The following ANO1 variants were observed in gnomAD, a reference collection of about 807,000 sequenced individuals.
The protein encoded by ANO1 is anoctamin-1.
ANO1 carries 59 observed loss-of-function variants against 124.0 expected under a neutral mutation model. The observed-to-expected ratio is 0.48, with a 90% CI of 0.39 to 0.59. The LOEUF is 0.59. ANO1 is among the 20% of genes least tolerant of loss of function. ANO1 has a pLI of 0.00. For synonymous variants in ANO1, 529 were observed against 532.0 expected (o/e 0.99, Z 0.08); for missense variants, 1,059 against 1,328.0 (o/e 0.80, Z 3.15).
intron 1 of ANO1, among the ~76,000 whole-genome samples, chr11:70,061,293 T>A (rs1394881225): frequency 5.3e-5 from 8 of 151,952 alleles, no homozygotes; most frequent in African/African-American, 1.9e-4. Context: ...AAATATTGAA[T>A]AAGGTGGGAG....
intron 10 of ANO1, among the ~76,000 whole-genome samples, chr11:70,131,332 TGC>T (rs1555034669): frequency 2.0e-5 from 3 of 148,314 alleles, no homozygotes; most frequent in African/African-American, 7.5e-5. Context: ...TGTGTGTGTG[TGC>T]GCGTCTGTGT....
rs752639044 is a variant in ANO1, at chr11:70,161,602, C to A, written c.1781-20C>A. On this transcript the variant is annotated intron_variant, in intron 17 of 25. Transcript: ENST00000355303. ...GCCATCCCAGCCACAGCCTCAGTAT[C>A]ATCCTACCCCTCCCTCTAGAGGTCC... 1 of 1,611,574 alleles carries A rather than the reference C, an allele frequency of 6.2e-7. No individual in the cohort carries two copies. Among genetic ancestry groups the A allele is most frequent in the Non-Finnish European group, 8.5e-7 (1 of 1,177,680 alleles).
At chr11:70,158,570 A>G (rs1438257122) in intron 16 of ANO1, among the ~76,000 whole-genome samples, 1 of 152,248 alleles carries the variant, frequency 6.6e-6, no homozygotes, top group East Asian at 1.9e-4. Flanking sequence ...ATATGCCTGC[A>G]GAAGCTGGTG....
At chr11:70,013,635 AC>A (rs1342027452) in intron 1 of ANO1, among the ~76,000 whole-genome samples, 1 of 151,700 alleles carries the variant, frequency 6.6e-6, no homozygotes, top group Non-Finnish European at 1.5e-5. Context: ...ACAAAACAAA[AC>A]AAAACAAAAC....
intron 1 of ANO1, among the ~76,000 whole-genome samples, chr11:70,053,805 TG>T (rs1290535880): frequency 2.0e-5 from 3 of 152,218 alleles, no homozygotes; most frequent in Admixed American, 1.3e-4. Flanking sequence ...TGGAGCTCTA[TG>T]TGCCTAGAGT....
At chr11:70,082,224 A>G (rs1183675700) in intron 1 of ANO1, among the ~76,000 whole-genome samples, 1 of 152,124 alleles carries the variant, frequency 6.6e-6, no homozygotes, top group Non-Finnish European at 1.5e-5. Flanking sequence ...GCATTCATTC[A>G]TTCATTCAGC....
intron 1 of ANO1, among the ~76,000 whole-genome samples, chr11:69,991,453 G>A (rs1856152983): frequency 6.6e-6 from 1 of 152,184 alleles, no homozygotes; most frequent in African/African-American, 2.4e-5. Context: ...CTAGAGAGGA[G>A]CCTGCCCCCC....
intron 1 of ANO1, among the ~76,000 whole-genome samples, chr11:70,066,383 C>A: frequency 6.6e-6 from 1 of 152,102 alleles, no homozygotes; most frequent in East Asian, 1.9e-4. Context: ...CTTATTGGGA[C>A]TGAGTTGGAA....
rs377234676 is a variant in ANO1, at chr11:70,070,207, A to G, written c.59-8335A>G. ...GGTCTCTGTGGCTCACGTCATTTTC[A>G]GCATGAAAATGAGCGATCAAATTAT... On this transcript the variant is annotated intron_variant, in intron 1 of 27. Coordinates refer to the ANO1 transcript ENST00000531349. Among the ~76,000 whole-genome samples the G allele has an allele frequency of 3.1e-4, 47 of 152,258 alleles. 1 individual carries two copies. The East Asian group carries it at 6.2e-3, about 20-fold the overall frequency.
At chr11:70,160,510 G>T (rs2048001375) in intron 16 of ANO1, among the ~76,000 whole-genome samples, 1 of 152,244 alleles carries the variant, frequency 6.6e-6, no homozygotes, top group Non-Finnish European at 1.5e-5. Context: ...TGTTTGGCAA[G>T]AGGAGGGGCT....
chr11:70,161,249 T>C lies in ANO1; in HGVS notation c.1667T>C (p.Val556Ala). Residue 556 changes from valine to alanine, a missense_variant, in exon 17 of 26, where the codon GTG becomes GCG. This residue lies in a region of ANO1 where 809 missense variants were observed against 1,094.9 expected (regional missense o/e 0.74). Coordinates refer to ENST00000355303, the MANE Select transcript of ANO1 (RefSeq NM_018043.7). ...TTGGCCATGAACTCCTCCCCCTCCG[T>C]GCGGTCCAACATCCGGGTCACAGTC... is the stretch of plus-strand genomic sequence containing the variant. ...AALAMNSSPS[V>A]RSNIRVTVTA... 6.2e-7 allele frequency: 1 copy of C among 1,613,914 alleles called. No individual in the cohort carries two copies.
intron 1 of ANO1, among the ~76,000 whole-genome samples, chr11:70,037,907 C>T (rs1857120776): frequency 6.6e-6 from 1 of 152,160 alleles, no homozygotes; most frequent in Non-Finnish European, 1.5e-5. Flanking sequence ...TATTCCATGG[C>T]AGGGTCTTGA....
intron 2 of ANO1, among the ~76,000 whole-genome samples, chr11:70,101,642 T>G (rs1002383198): frequency 4.0e-5 from 6 of 150,992 alleles, no homozygotes; most frequent in African/African-American, 1.5e-4. Flanking sequence ...CATTGCTTTT[T>G]GTCAACAAGC....
chr11:70,024,796 C>T (rs782051095), intron 1 of ANO1, among the ~76,000 whole-genome samples: 5 of 151,922 alleles, frequency 3.3e-5, no homozygotes, highest in African/African-American at 4.8e-5. Context: ...TCCCACCGCC[C>T]GAGCTGCCTC....
chr11:69,971,993 G>T, the ANO1 span, among the ~76,000 whole-genome samples: 4 of 151,982 alleles, frequency 2.6e-5, no homozygotes, highest in Non-Finnish European at 4.4e-5. Flanking sequence ...GGCCCAGGCG[G>T]GTGGATCCCT....
At chr11:70,051,550 AGGTTTTGTTTTGGGGTCT>A (rs1482898785) in intron 1 of ANO1, among the ~76,000 whole-genome samples, 2 of 152,190 alleles carry the variant, frequency 1.3e-5, no homozygotes, top group Admixed American at 6.5e-5. Context: ...TGACATTGTC[AGGTTTTGTTTTGGGGTCT>A]GGTTTTGTTT....
At chr11:70,044,855 A>C (rs1341472236) in intron 1 of ANO1, among the ~76,000 whole-genome samples, 1 of 152,216 alleles carries the variant, frequency 6.6e-6, no homozygotes, top group Non-Finnish European at 1.5e-5. Context: ...ACTTGATCTT[A>C]GATTGAATCC....
intron 1 of ANO1, among the ~76,000 whole-genome samples, chr11:70,069,122 T>C (rs1857804989): frequency 1.3e-5 from 2 of 152,206 alleles, no homozygotes; most frequent in Admixed American, 1.3e-4. Flanking sequence ...TCTCTGAGCA[T>C]GGGCTGGGGG....
At chr11:69,995,099 T>TTG (rs1554998183) in intron 1 of ANO1, among the ~76,000 whole-genome samples, 1 of 145,318 alleles carries the variant, frequency 6.9e-6, no homozygotes, top group African/African-American at 2.6e-5. Flanking sequence ...CACTGTTTTT[T>TTG]TTTTTTTTTT....
Sources: allele counts gnomAD v4.1 joint callset (sites outside exome capture counted in the v4.1 genomes callset), GRCh38; gene constraint gnomAD v4.1.1; regional missense constraint gnomAD v4.1.1; transcripts MANE v1.5; gene names NCBI Gene and HGNC (gene_info 2026-07-23, HGNC 2026-07-21).